TMEFF2: variants seen among roughly 807,000 people sequenced by gnomAD.
The protein encoded by TMEFF2 is tomoregulin-2.
A neutral mutation model predicts 53.8 loss-of-function variants in TMEFF2; 28 were observed. That is an observed-to-expected ratio of 0.52 (90% confidence interval 0.39 to 0.71). The LOEUF (loss-of-function observed/expected upper bound fraction) is 0.71, where lower values mean the gene tolerates loss of function less well. Among genes scored for constraint, TMEFF2 ranks in the 30% least tolerant of loss-of-function variants. The pLI, the probability that TMEFF2 is intolerant of heterozygous loss-of-function variation, is 0.00. For missense variants in TMEFF2, 353 were observed against 455.2 expected (o/e 0.78, Z 2.04); for synonymous variants, 162 against 166.3 (o/e 0.97, Z 0.20).
intron 4 of TMEFF2, among the ~76,000 whole-genome samples, chr2:192,127,736 AAGTT>A (rs1032205859): frequency 3.5e-4 from 54 of 152,204 alleles, no homozygotes; most frequent in Non-Finnish European, 4.0e-4. Flanking sequence ...AATCTTAAAT[AAGTT>A]AGTTCAATAA....
At chr2:191,989,149 A>G (rs1163512117) in intron 7 of TMEFF2, among the ~76,000 whole-genome samples, 2 of 152,188 alleles carry the variant, frequency 1.3e-5, no homozygotes, top group Non-Finnish European at 2.9e-5. Context: ...ATATACTAAA[A>G]TGGTCATTTC....
At chr2:192,116,296 G>C (rs894007793) in intron 4 of TMEFF2, among the ~76,000 whole-genome samples, 6 of 151,970 alleles carry the variant, frequency 3.9e-5, no homozygotes, top group Non-Finnish European at 8.8e-5. Context: ...TGGAAACTGA[G>C]AGCAGAGTGT....
intron 4 of TMEFF2, among the ~76,000 whole-genome samples, chr2:192,172,064 C>T (rs2356957): frequency 0.64 from 96,813 of 151,738 alleles, 31,013 homozygotes; most frequent in East Asian, 0.69. Context: ...GCTGCCTGGC[C>T]CACGGTATGC....
intron 4 of TMEFF2, among the ~76,000 whole-genome samples, chr2:192,139,847 C>G (rs1007848278): frequency 3.9e-5 from 6 of 152,136 alleles, no homozygotes; most frequent in Non-Finnish European, 8.8e-5. Flanking sequence ...GAATTTGTAG[C>G]TATAGAAGAG....
intron 2 of TMEFF2, among the ~76,000 whole-genome samples, chr2:192,188,080 T>C (rs924354055): frequency 3.4e-4 from 52 of 152,322 alleles, no homozygotes; most frequent in African/African-American, 1.2e-3. Flanking sequence ...TATGGTATAT[T>C]TTTCTTCCAA....
chr2:192,095,974 A>T (rs1688893931), intron 4 of TMEFF2, among the ~76,000 whole-genome samples: 1 of 152,200 alleles, frequency 6.6e-6, no homozygotes, highest in African/African-American at 2.4e-5. Flanking sequence ...TGTTTTGGAC[A>T]TTTGTAGTGG....
chr2:192,145,562 T>C (rs1216643989), intron 4 of TMEFF2, among the ~76,000 whole-genome samples: 1 of 149,586 alleles, frequency 6.7e-6, no homozygotes, highest in Non-Finnish European at 1.5e-5. Context: ...ATAAAAAAAA[T>C]GACAAAGCAT....
intron 4 of TMEFF2, among the ~76,000 whole-genome samples, chr2:192,065,905 TTG>T (rs1688158983): frequency 6.6e-6 from 1 of 151,784 alleles, no homozygotes; most frequent in African/African-American, 2.4e-5. Flanking sequence ...ATTTTGCATC[TTG>T]TGTGAGTTTT....
chr2:192,064,368 T>C (rs1428859254), intron 4 of TMEFF2, among the ~76,000 whole-genome samples: 2 of 151,842 alleles, frequency 1.3e-5, no homozygotes, highest in Non-Finnish European at 3.0e-5. Flanking sequence ...AAAACTCATG[T>C]CCTTTTAAAA....
intron 7 of TMEFF2, among the ~76,000 whole-genome samples, chr2:191,973,958 G>A (rs550790144): frequency 1.0e-3 from 153 of 152,134 alleles, no homozygotes; most frequent in African/African-American, 3.5e-3. Context: ...CCTCCCCAGC[G>A]CTCAGATCTG....
At chr2:192,091,009 G>A (rs1227681913) in intron 4 of TMEFF2, among the ~76,000 whole-genome samples, 3 of 152,110 alleles carry the variant, frequency 2.0e-5, no homozygotes, top group Non-Finnish European at 4.4e-5. Context: ...AATATTACAC[G>A]TGGGAGATGG....
At chr2:192,134,375 C>T (rs1176133075) in intron 4 of TMEFF2, among the ~76,000 whole-genome samples, 2 of 152,190 alleles carry the variant, frequency 1.3e-5, no homozygotes, top group Non-Finnish European at 2.9e-5. Context: ...CTGTTTCTCA[C>T]CCTGATCACG....
intron 7 of TMEFF2, among the ~76,000 whole-genome samples, chr2:191,985,326 A>G (rs1326373578): frequency 6.6e-6 from 1 of 152,184 alleles, no homozygotes; most frequent in Non-Finnish European, 1.5e-5. Flanking sequence ...ATTTTTCACA[A>G]AACCAAAACA....
intron 4 of TMEFF2, among the ~76,000 whole-genome samples, chr2:192,096,670 C>CTTTTTT (rs1179296312): frequency 5.6e-5 from 3 of 53,700 alleles, no homozygotes; most frequent in African/African-American, 1.4e-4. Context: ...CTCTCTCTCT[C>CTTTTTT]TTTTTTTTTT....
intron 8 of TMEFF2, 133 bp downstream of exon 8, chr2:191,956,122 G>C: frequency 1.1e-6 from 1 of 885,176 alleles, no homozygotes; most frequent in Middle Eastern, 3.3e-4. Flanking sequence ...GCATGCACAG[G>C]AGGAGCAGAG....
At chr2:192,042,408 A>G (rs780470071) in intron 5 of TMEFF2, among the ~76,000 whole-genome samples, 14 of 152,200 alleles carry the variant, frequency 9.2e-5, no homozygotes, top group Non-Finnish European at 1.8e-4. Flanking sequence ...CAGTAAAGCA[A>G]AGCACACTAA....
chr2:192,129,762 G>A (rs1020087199), intron 4 of TMEFF2, among the ~76,000 whole-genome samples: 5 of 152,138 alleles, frequency 3.3e-5, no homozygotes, highest in Non-Finnish European at 7.3e-5. Flanking sequence ...GCAAGATTGA[G>A]GCCCACAACA....
intron 4 of TMEFF2, among the ~76,000 whole-genome samples, chr2:192,064,560 T>C (rs771012639): frequency 6.6e-6 from 1 of 151,872 alleles, no homozygotes; most frequent in African/African-American, 2.4e-5. Flanking sequence ...TGAAAAACAC[T>C]TTTGGCATAT....
intron 7 of TMEFF2, among the ~76,000 whole-genome samples, chr2:191,959,936 G>T (rs1559061255): frequency 6.6e-6 from 1 of 152,136 alleles, no homozygotes. Flanking sequence ...GAATGCAGTG[G>T]CGTGATTTTG....
Sources: gnomAD v4.1 joint callset for allele counts (sites outside exome capture counted in the v4.1 genomes callset) on GRCh38, gnomAD v4.1.1 for gene constraint, MANE v1.5 for transcripts, NCBI Gene and HGNC (gene_info 2026-07-23, HGNC 2026-07-21) for gene names.